Variants in RIBC2 observed in about 807,000 individuals in gnomAD.
RIBC2 encodes the protein RIB43A domain with coiled-coils 2.
A neutral mutation model predicts 44.3 loss-of-function variants in RIBC2; 40 were observed. The observed-to-expected ratio is 0.90, with a 90% CI of 0.70 to 1.18. RIBC2 has a LOEUF of 1.18. RIBC2 is among the 50% of genes most tolerant of loss of function. RIBC2 has a pLI of 0.00. For missense variants in RIBC2, 459 were observed against 485.5 expected (o/e 0.95, Z 0.51); for synonymous variants, 171 against 175.0 (o/e 0.98, Z 0.18).
Position 45,422,301 on chromosome 22 carries a change from A to C in RIBC2, c.568A>C (p.Thr190Pro), listed in dbSNP as rs771930528. 7 of 1,614,078 alleles carry C rather than the reference A, an allele frequency of 4.3e-6. No individual in the cohort carries two copies. The highest frequency in any genetic ancestry group is 4.2e-6 in the Non-Finnish European group (5 of 1,179,896). ...TTGCCTCCTTTCAGAGGCCCTCTAC[A>C]CAGAGACAAGGCTGCAGTTTGACGA... ...AEQKCAEALY[T>P]ETRLQFDETA... The change falls in exon 4 of 7, where the codon ACA becomes CCA. Residue 190 changes from threonine (T) to proline (P), a missense_variant. By Grantham distance (38) the Thr-to-Pro change is conservative. Transcript: ENST00000614167.
chr22:45,417,570 C>T, intron 2 of RIBC2, 32 bp from the exon 3 acceptor site: 1 of 1,486,542 alleles, frequency 6.7e-7, no homozygotes, highest in Non-Finnish European at 9.2e-7. Flanking sequence ...CCTCTGAATC[C>T]TAAGCTTATG....
At position 45,429,297 on chromosome 22, in the gene RIBC2, C is replaced by T. The variant is rs994514498; in HGVS notation, c.904-1603C>T. Among the ~76,000 whole-genome samples, 5 of 152,064 alleles carry T rather than the reference C, an allele frequency of 3.3e-5. No homozygotes were observed. In the South Asian group the frequency reaches 1.0e-3, roughly 32 times the overall value. ...TGCCCAGTGGGTGAGAAGGTGAAGC[C>T]GGGACTAGATCTTTGGAGAGGAGGC... On this transcript the variant is annotated intron_variant, in intron 5 of 6. Transcript: ENST00000614167.
intron 4 of RIBC2, among the ~76,000 whole-genome samples, chr22:45,423,895 C>A (rs1460518866): frequency 6.6e-6 from 1 of 152,222 alleles, no homozygotes; most frequent in Non-Finnish European, 1.5e-5. Context: ...AATTAGTCCA[C>A]TGTTGGCTGG....
At position 45,431,515 on chromosome 22, in the gene RIBC2, AG is replaced by A. The variant is rs1470242306; in HGVS notation, c.1070+451del. Among the ~76,000 whole-genome samples, 4 of 152,244 alleles carry A rather than the reference AG, an allele frequency of 2.6e-5. No individual in the cohort carries two copies. In the South Asian group the frequency reaches 8.3e-4, roughly 31 times the overall value. ...AAGAAGATGTCAAATGCAAGCAAAC[AG>A]GTGAACTTGCACCTGAAAAACACAG... On this transcript the variant is annotated intron_variant, in intron 6 of 6. Coordinates refer to ENST00000614167, the MANE Select transcript of RIBC2 (RefSeq NM_015653.5).
intron 5 of RIBC2, among the ~76,000 whole-genome samples, chr22:45,430,133 G>A (rs1172290686): frequency 1.3e-5 from 2 of 152,186 alleles, no homozygotes; most frequent in African/African-American, 4.8e-5. Context: ...GACAAAGCCC[G>A]CCAGCCTGCC....
intron 3 of RIBC2, 68 bp downstream of exon 3, chr22:45,418,014 T>C (rs2087443254): frequency 8.2e-7 from 1 of 1,216,956 alleles, no homozygotes; most frequent in Non-Finnish European, 1.1e-6. Context: ...CAGTTTTTTT[T>C]TTTTTTTAAG....
intron 3 of RIBC2, chr22:45,418,150 C>T: frequency 2.2e-6 from 1 of 457,618 alleles, no homozygotes; most frequent in Non-Finnish European, 3.9e-6. Flanking sequence ...AAAGTCAGAG[C>T]CTGCCCTCCA....
intron 2 of RIBC2, among the ~76,000 whole-genome samples, chr22:45,415,488 CAA>C (rs1464137118): frequency 6.6e-6 from 1 of 151,848 alleles, no homozygotes; most frequent in African/African-American, 2.4e-5. Flanking sequence ...TTCAATCTTA[CAA>C]AAACAATGTG....
At chr22:45,420,099 C>A (rs994145136) in intron 3 of RIBC2, among the ~76,000 whole-genome samples, 1 of 152,170 alleles carries the variant, frequency 6.6e-6, no homozygotes, top group Non-Finnish European at 1.5e-5. Context: ...ACATTTCACT[C>A]AGAGTAAACG....
chr22:45,426,933 G>A (rs756200462), intron 5 of RIBC2, among the ~76,000 whole-genome samples: 3 of 152,102 alleles, frequency 2.0e-5, no homozygotes, highest in Non-Finnish European at 2.9e-5. Context: ...ACGTGTGAAA[G>A]AGAGGAGTTA....
chr22:45,421,595 G>C (rs62226844), intron 3 of RIBC2, among the ~76,000 whole-genome samples: 5 of 32,016 alleles, frequency 1.6e-4, no homozygotes, highest in South Asian at 3.5e-3. Context: ...AATAATAATA[G>C]TATTATTAAT....
chr22:45,430,242 G>A (rs538663083), intron 5 of RIBC2, among the ~76,000 whole-genome samples: 116 of 152,316 alleles, frequency 7.6e-4, no homozygotes, highest in Non-Finnish European at 1.2e-3. Flanking sequence ...AATGGCAAAC[G>A]TGGGCAAAGG....
At chr22:45,427,314 C>T (rs982409111) in intron 5 of RIBC2, among the ~76,000 whole-genome samples, 1 of 152,156 alleles carries the variant, frequency 6.6e-6, no homozygotes, top group African/African-American at 2.4e-5. Context: ...TGCTTGAGCA[C>T]CAGCCATCAC....
chr22:45,420,728 C>T lies in RIBC2; in HGVS notation c.557-1562C>T, dbSNP rs73446317. On this transcript the variant is annotated intron_variant, in intron 3 of 6. Coordinates refer to ENST00000614167, the MANE Select transcript of RIBC2 (RefSeq NM_015653.5). ...CCATCTCTGACTCTTGTCCCTTCTA[C>T]CTCCTGCATATATTTTGAACTGTCC... Among the ~76,000 whole-genome samples the T allele has an allele frequency of 5.0e-3, 763 of 152,354 alleles. 4 individuals are homozygous for T. The highest frequency in any genetic ancestry group is 8.6e-3 in the Non-Finnish European group (582 of 68,038).
intron 3 of RIBC2, among the ~76,000 whole-genome samples, chr22:45,421,342 TAATTAAA>T (rs2087476128): frequency 6.8e-6 from 1 of 146,892 alleles, no homozygotes; most frequent in South Asian, 2.1e-4. Flanking sequence ...TTAATAATAA[TAATTAAA>T]TAATTAATTA....
intron 4 of RIBC2, 95 bp downstream of exon 4, chr22:45,422,503 T>C: frequency 1.2e-6 from 1 of 869,516 alleles, no homozygotes; most frequent in Admixed American, 1.8e-5. Context: ...GGGATCCCAG[T>C]CTCAGCCTGC....
At position 45,413,855 on chromosome 22, in the gene RIBC2, C is replaced by A. The variant is rs1301643270; in HGVS notation, c.-32C>A. The A allele has an allele frequency of 6.5e-7, 1 of 1,528,138 alleles. No individual in the cohort carries two copies. The highest frequency in any genetic ancestry group is 8.8e-7 in the Non-Finnish European group (1 of 1,132,184). 94.7% of individuals were successfully genotyped at this position (1,528,138 alleles called of 1,614,324 possible). A position where few individuals can be genotyped will look rare whatever the true frequency, so the allele number is the denominator to read the frequency against. ...TATTTTCGTCGCCTGTTCTCCTGATCCTGCGTGTTCTAAAAACCCCTTAGG... is the reference window on the plus strand; with the variant it reads ...TATTTTCGTCGCCTGTTCTCCTGATACTGCGTGTTCTAAAAACCCCTTAGG... On this transcript the variant is annotated 5_prime_UTR_variant, in exon 1 of 7. Transcript: ENST00000614167.
At chr22:45,425,891 G>A (rs1188718930) in intron 4 of RIBC2, 57 bp from the exon 5 acceptor site, 14 of 1,469,086 alleles carry the variant, frequency 9.5e-6, no homozygotes, top group Admixed American at 1.9e-5. Flanking sequence ...TGGCCTGGGT[G>A]TCAGAATGCC....
In RIBC2 at chr22:45,417,998, A is replaced by G. The variant is rs62226820; in HGVS notation, c.556+52A>G. The G allele has an allele frequency of 2.3e-3, 2,470 of 1,081,082 alleles. 5 individuals carry two copies. Among genetic ancestry groups the G allele is most frequent in the Admixed American group, 3.0e-3 (91 of 30,696 alleles). The allele number at this position is 1,081,082 out of a possible 1,614,324, so 67.0% of individuals were successfully genotyped here. A position where few individuals can be genotyped will look rare whatever the true frequency, so the allele number is the denominator to read the frequency against. On this transcript the variant is annotated intron_variant, in intron 3 of 6. Coordinates refer to ENST00000614167, the MANE Select transcript of RIBC2 (RefSeq NM_015653.5). ...TCTCAACGCTCTCTTCAACAAACCA[A>G]CCCTACAGTTTTTTTTTTTTTTTAA...
Sources: gnomAD v4.1 joint callset for allele counts (sites outside exome capture counted in the v4.1 genomes callset) on GRCh38, gnomAD v4.1.1 for gene constraint, MANE v1.5 for transcripts, NCBI Gene and HGNC (gene_info 2026-07-23, HGNC 2026-07-21) for gene names.